The following SFXN1 variants were observed in gnomAD, a reference collection of about 807,000 sequenced individuals.
SFXN1 encodes the protein sideroflexin-1.
SFXN1 carries 32 observed loss-of-function variants against 39.5 expected under a neutral mutation model. The observed-to-expected ratio is 0.81, with a 90% CI of 0.61 to 1.09. The LOEUF (loss-of-function observed/expected upper bound fraction) is 1.09, where lower values mean the gene tolerates loss of function less well. Among genes scored for constraint, SFXN1 ranks in the 50% least tolerant of loss-of-function variants. The pLI is 0.00. For missense variants in SFXN1, 402 were observed against 407.1 expected (o/e 0.99, Z 0.11); for synonymous variants, 136 against 146.5 (o/e 0.93, Z 0.52).
In SFXN1 at chr5:175,522,023, C is replaced by T. The variant is rs548371218; in HGVS notation, c.824+55C>T. 2.8e-5 allele frequency: 40 copies of T among 1,432,766 alleles called. 1 individual carries two copies. The highest frequency in any genetic ancestry group is 2.5e-4 in the South Asian group (20 of 80,378). The allele number at this position is 1,432,766 out of a possible 1,614,324, so 88.8% of individuals were successfully genotyped here. ...TTTCTTTTAAAATATAAATACACAG[C>T]GTATGAAAGGTGACTGGGTAATATG... On this transcript the variant is annotated intron_variant, in intron 9 of 10. Transcript: ENST00000321442.
chr5:175,486,824 G>A (rs527633764), intron 1 of SFXN1, among the ~76,000 whole-genome samples: 4 of 152,252 alleles, frequency 2.6e-5, no homozygotes, highest in South Asian at 2.1e-4. Flanking sequence ...AAATGAGACC[G>A]TGATGGCGGC....
chr5:175,526,580 A>G, intron 10 of SFXN1, 58 bp from the exon 11 acceptor site: 1 of 1,409,520 alleles, frequency 7.1e-7, no homozygotes, highest in Non-Finnish European at 1.0e-6. Flanking sequence ...TGCTCTTTCT[A>G]GGTCCTGATT....
chr5:175,523,777 A>G (rs1760950387), intron 10 of SFXN1: 1 of 152,054 alleles, frequency 6.6e-6, no homozygotes. Context: ...GTGTGGTTTT[A>G]CATTTGAGAA....
At position 175,526,686 on chromosome 5, in the gene SFXN1, AGAGAGCCAT is replaced by A. The variant is rs751863790; in HGVS notation, c.922_930del (p.Glu308_His310del). 27 of 1,614,128 alleles carry A rather than the reference AGAGAGCCAT, an allele frequency of 1.7e-5. No homozygotes were observed. The highest frequency in any genetic ancestry group is 2.3e-5 in the Non-Finnish European group (27 of 1,180,046). ...AGGCCGAGTTGCAAGCTAAGATCCA[AGAGAGCCAT>A]CCTGAATTGCGACGCGTGTACTTCA... On this transcript the variant is annotated inframe_deletion, in exon 11 of 11. Coordinates refer to ENST00000321442, the MANE Select transcript of SFXN1 (RefSeq NM_022754.7).
chr5:175,480,406 A>C (rs1759197750), intron 1 of SFXN1, among the ~76,000 whole-genome samples: 1 of 152,034 alleles, frequency 6.6e-6, no homozygotes, highest in African/African-American at 2.4e-5. Flanking sequence ...GTCTTAAAAA[A>C]AAAAAAATAC....
intron 2 of SFXN1, among the ~76,000 whole-genome samples, chr5:175,496,735 A>C (rs920293292): frequency 6.6e-6 from 1 of 152,166 alleles, no homozygotes; most frequent in African/African-American, 2.4e-5. Flanking sequence ...GTACTTACGA[A>C]ATTACAGTAC....
At chr5:175,500,827 T>C (rs1253659428) in intron 2 of SFXN1, among the ~76,000 whole-genome samples, 1 of 152,222 alleles carries the variant, frequency 6.6e-6, no homozygotes, top group East Asian at 1.9e-4. Context: ...CAAATGTGTA[T>C]AGTTAACTGA....
intron 8 of SFXN1, among the ~76,000 whole-genome samples, chr5:175,519,782 T>C (rs953276492): frequency 4.6e-5 from 7 of 151,698 alleles, no homozygotes; most frequent in Non-Finnish European, 1.0e-4. Flanking sequence ...ACATTAAATA[T>C]GGGCAGTTGT....
intron 2 of SFXN1, among the ~76,000 whole-genome samples, chr5:175,504,945 G>A (rs1422310270): frequency 1.3e-5 from 2 of 152,004 alleles, no homozygotes; most frequent in Non-Finnish European, 2.9e-5. Flanking sequence ...AGCCAGAATG[G>A]TCTTGATCTC....
At chr5:175,480,994 C>T (rs1046634197) in intron 1 of SFXN1, among the ~76,000 whole-genome samples, 2 of 152,214 alleles carry the variant, frequency 1.3e-5, no homozygotes, top group Non-Finnish European at 1.5e-5. Flanking sequence ...CACTTAATTA[C>T]ACAAAGTTCA....
At chr5:175,510,016 G>A (rs951339220) in intron 3 of SFXN1, 93 bp from the exon 4 acceptor site, 63 of 969,040 alleles carry the variant, frequency 6.5e-5, no homozygotes, top group South Asian at 7.3e-5. Context: ...TCCCCAGTAC[G>A]TCTCCTCTCT....
At chr5:175,519,603 T>G (rs1264288776) in intron 8 of SFXN1, among the ~76,000 whole-genome samples, 1 of 152,004 alleles carries the variant, frequency 6.6e-6, no homozygotes, top group Non-Finnish European at 1.5e-5. Context: ...TAAACTAATA[T>G]CTAGTGACAG....
intron 1 of SFXN1, among the ~76,000 whole-genome samples, chr5:175,490,825 C>T (rs1759626923): frequency 6.6e-6 from 1 of 151,894 alleles, no homozygotes. Context: ...TGAACAGCGG[C>T]CACAAGGATG....
chr5:175,501,594 A>G (rs967537202), intron 2 of SFXN1, among the ~76,000 whole-genome samples: 2 of 152,214 alleles, frequency 1.3e-5, no homozygotes, highest in African/African-American at 4.8e-5. Flanking sequence ...ACTCTTATCA[A>G]TATTGAACTA....
intron 7 of SFXN1, among the ~76,000 whole-genome samples, chr5:175,514,826 G>C (rs766595968): frequency 2.6e-5 from 4 of 152,216 alleles, no homozygotes; most frequent in Non-Finnish European, 5.9e-5. Context: ...AATGTGTTCT[G>C]TAGGGGTGGC....
intron 8 of SFXN1, among the ~76,000 whole-genome samples, chr5:175,516,907 A>G (rs1053960585): frequency 6.6e-6 from 1 of 152,246 alleles, no homozygotes; most frequent in Non-Finnish European, 1.5e-5. Context: ...ACAGTCATCT[A>G]TTGGATGCCT....
intron 6 of SFXN1, among the ~76,000 whole-genome samples, 193 bp from the exon 7 acceptor site, chr5:175,513,270 C>T (rs993452303): frequency 1.4e-5 from 2 of 141,484 alleles, no homozygotes; most frequent in Non-Finnish European, 3.0e-5. Context: ...CCACTACACT[C>T]CAGCCTGGGC....
At chr5:175,510,484 G>A (rs1760475021) in intron 4 of SFXN1, among the ~76,000 whole-genome samples, 1 of 152,046 alleles carries the variant, frequency 6.6e-6, no homozygotes, top group Non-Finnish European at 1.5e-5. Flanking sequence ...TCACCCTGGA[G>A]CTCATGGCCC....
At chr5:175,524,393 C>T (rs1042307454) in intron 10 of SFXN1, among the ~76,000 whole-genome samples, 1 of 151,346 alleles carries the variant, frequency 6.6e-6, no homozygotes, top group African/African-American at 2.4e-5. Flanking sequence ...GATTCATCTA[C>T]ATTATTGTGT....
Sources: allele counts gnomAD v4.1 joint callset (sites outside exome capture counted in the v4.1 genomes callset), GRCh38; gene constraint gnomAD v4.1.1; transcripts MANE v1.5; gene names NCBI Gene and HGNC (gene_info 2026-07-23, HGNC 2026-07-21).